Variants in TRIM37 observed in about 807,000 individuals in gnomAD.
The protein encoded by TRIM37 is E3 ubiquitin-protein ligase TRIM37.
In TRIM37, 80 loss-of-function variants were observed where a neutral mutation model predicts 129.8. That is an observed-to-expected ratio of 0.62 (90% CI 0.51 to 0.74). The LOEUF (loss-of-function observed/expected upper bound fraction) is 0.74. Ranked by LOEUF, TRIM37 falls within the 30% of genes least tolerant of loss-of-function variation. The pLI is 0.00. For missense variants in TRIM37, 1,054 were observed against 1,176.5 expected (o/e 0.90, Z 1.52); for synonymous variants, 389 against 387.1 (o/e 1.00, Z -0.06).
At position 59,001,659 on chromosome 17, in the gene TRIM37, C is replaced by T; in HGVS notation, c.2751G>A (p.Glu917=). The T allele has an allele frequency of 1.2e-6, 2 of 1,614,142 alleles. No individual in the cohort carries two copies. The highest frequency in any genetic ancestry group is 1.7e-6 in the Non-Finnish European group (2 of 1,180,002). ...ECDTENEEQE[E]HTSVGGFHDS... Reference sequence around the variant, plus strand: ...CGTGAAACCCGCCCACACTGGTATGCTCTTCCTGCTCCTCATTCTCAGTGT... The same window carrying T: ...CGTGAAACCCGCCCACACTGGTATGTTCTTCCTGCTCCTCATTCTCAGTGT... Residue 917 remains glutamate (E), a synonymous_variant, in exon 23 of 24, where the codon GAG becomes GAA. Transcript: ENST00000262294.
intron 13 of TRIM37, among the ~76,000 whole-genome samples, chr17:59,053,149 C>A (rs772262984): frequency 1.3e-5 from 2 of 152,106 alleles, no homozygotes; most frequent in South Asian, 4.1e-4. Context: ...ATGATTTAAA[C>A]CACTGGTTAA....
rs60395023 is a variant in TRIM37 at position 59,007,231 on chromosome 17, C to CCACCCACACACA, written c.2695+5096_2695+5097insTGTGTGTGGGTG. Among the ~76,000 whole-genome samples, 24 of 97,544 alleles carry CCACCCACACACA rather than the reference C, an allele frequency of 2.5e-4. 2 individuals carry two copies. The highest frequency in any genetic ancestry group is 1.3e-3 in the South Asian group (3 of 2,374). The allele number at this position is 97,544 out of a possible 152,430, so 64.0% of individuals were successfully genotyped here. On this transcript the variant is annotated intron_variant, in intron 22 of 23. Transcript: ENST00000262294. ...CTAAAACCACCCCACCCCCACCCAC[C>CCACCCACACACA]CACACACACACACACGTTCCTGATG...
At chr17:58,989,689 G>GA (rs1273030279) in intron 24 of TRIM37, among the ~76,000 whole-genome samples, 1 of 151,836 alleles carries the variant, frequency 6.6e-6, no homozygotes, top group Admixed American at 6.6e-5. Context: ...AAACACAACA[G>GA]AAAAAAATGA....
At chr17:59,007,097 A>T (rs1416136540) in intron 22 of TRIM37, among the ~76,000 whole-genome samples, 2 of 151,404 alleles carry the variant, frequency 1.3e-5, no homozygotes, top group East Asian at 3.9e-4. Flanking sequence ...CCCTGAGAAG[A>T]GCTAAGCCTC....
At chr17:59,014,455 T>C (rs2035658260) in intron 21 of TRIM37, among the ~76,000 whole-genome samples, 1 of 152,070 alleles carries the variant, frequency 6.6e-6, no homozygotes, top group Admixed American at 6.6e-5. Flanking sequence ...TAGATGGAAG[T>C]TTAATTGCCA....
At chr17:59,081,336 T>C in intron 5 of TRIM37, 117 bp from the exon 6 acceptor site, 4 of 1,415,722 alleles carry the variant, frequency 2.8e-6, no homozygotes, top group Non-Finnish European at 3.9e-6. Flanking sequence ...AACTTTACCT[T>C]ATTAGCTAAT....
chr17:59,035,450 G>T (rs2038355542), intron 17 of TRIM37, among the ~76,000 whole-genome samples: 1 of 151,690 alleles, frequency 6.6e-6, no homozygotes, highest in Non-Finnish European at 1.5e-5. Context: ...CTAGCTTTTG[G>T]CTATTAAGAA....
At position 59,062,719 on chromosome 17, in the gene TRIM37, G is replaced by A. The variant is rs1057444511; in HGVS notation, c.861-71C>T. On this transcript the variant is annotated intron_variant, in intron 10 of 23. Transcript: ENST00000262294. ...TGAAATGGCAACAGGCAAAAAGAAA[G>A]ACCAACCAGTTTCTTTGTTACATAC... 3 of 1,247,442 alleles carry A rather than the reference G, an allele frequency of 2.4e-6. No individual in the cohort carries two copies. In the East Asian group the frequency reaches 7.0e-5, roughly 29 times the overall value. The allele number at this position is 1,247,442 out of a possible 1,614,324, so 77.3% of individuals were successfully genotyped here.
chr17:59,050,086 C>T (rs570297184), intron 14 of TRIM37, among the ~76,000 whole-genome samples: 11 of 152,186 alleles, frequency 7.2e-5, no homozygotes, highest in Non-Finnish European at 1.5e-4. Context: ...GGAAATGAAA[C>T]ATTCCTTAGT....
intron 12 of TRIM37, 120 bp from the exon 13 acceptor site, chr17:59,057,174 G>A: frequency 3.7e-6 from 3 of 806,482 alleles, no homozygotes; most frequent in Non-Finnish European, 4.0e-6. Flanking sequence ...GATATACGCA[G>A]TTACATTTCT....
chr17:59,046,945 G>A (rs1479165009), intron 16 of TRIM37, among the ~76,000 whole-genome samples: 1 of 149,724 alleles, frequency 6.7e-6, no homozygotes, highest in Non-Finnish European at 1.5e-5. Context: ...ATGAGGTCAG[G>A]AGATCAAGAC....
intron 2 of TRIM37, among the ~76,000 whole-genome samples, chr17:59,095,932 C>T (rs930490337): frequency 6.6e-6 from 1 of 152,076 alleles, no homozygotes; most frequent in Middle Eastern, 3.2e-3. Context: ...GTTGCTCAGC[C>T]TGGTCTTGAA....
Position 58,998,466 on chromosome 17 carries a change from T to C in TRIM37, c.*911A>G. On this transcript the variant is annotated 3_prime_UTR_variant, in exon 24 of 24. Coordinates refer to ENST00000262294, the MANE Select transcript of TRIM37 (RefSeq NM_015294.6). ...GAGCACAATGGCAAAGTTTGGCAAC[T>C]GTTTTGGGCTAATTATGAGTATGAA... 1.0e-6 allele frequency: 1 copy of C among 985,468 alleles called. No individual in the cohort carries two copies. The highest frequency in any genetic ancestry group is 1.2e-6 in the Non-Finnish European group (1 of 829,942). The allele number at this position is 985,468 out of a possible 1,614,324, so 61.0% of individuals were successfully genotyped here. A position where few individuals can be genotyped will look rare whatever the true frequency, so the allele number is the denominator to read the frequency against.
intron 12 of TRIM37, among the ~76,000 whole-genome samples, chr17:59,058,662 A>C (rs182767463): frequency 0.014 from 2,125 of 152,242 alleles, 23 homozygotes; most frequent in Non-Finnish European, 0.022. Flanking sequence ...GTCTGAGACC[A>C]GCCTGGGCAA....
intron 15 of TRIM37, among the ~76,000 whole-genome samples, chr17:59,048,431 C>T (rs776617796): frequency 3.3e-5 from 5 of 152,140 alleles, no homozygotes; most frequent in Non-Finnish European, 7.4e-5. Flanking sequence ...GTCTATGCAT[C>T]CCTTCTTATG....
At chr17:58,995,076 TCTCA>T (rs1448260215), downstream of TRIM37, among the ~76,000 whole-genome samples, 1 of 151,990 alleles carries the variant, frequency 6.6e-6, no homozygotes, top group Non-Finnish European at 1.5e-5. Context: ...TGAGACAGTG[TCTCA>T]CTCTGTCACG....
chr17:59,078,611 G>A (rs531644527), intron 7 of TRIM37, among the ~76,000 whole-genome samples: 9 of 152,182 alleles, frequency 5.9e-5, no homozygotes, highest in Non-Finnish European at 8.8e-5. Flanking sequence ...ATGGCTTAAT[G>A]AACTTAAAGA....
rs571040674 is a variant in TRIM37 at position 59,076,326 on chromosome 17, A to G, written c.617-612T>C. The stretch of plus-strand genomic sequence containing the variant: ...GAGGCCAAAGCAAGAGGATAACTTG[A>G]GCCTAGGTATTTGAGACCAGCCTAG... On this transcript the variant is annotated intron_variant, in intron 7 of 23. Coordinates refer to ENST00000262294, the MANE Select transcript of TRIM37 (RefSeq NM_015294.6). 2.6e-5 allele frequency among the ~76,000 whole-genome samples: 4 copies of G among 152,342 alleles called. No homozygotes were observed. In the East Asian group the frequency reaches 7.7e-4, roughly 29 times the overall value.
the TRIM37 span, among the ~76,000 whole-genome samples, chr17:58,968,575 A>T: frequency 6.6e-6 from 1 of 152,116 alleles, no homozygotes; most frequent in African/African-American, 2.4e-5. Context: ...ACAGGCCTGG[A>T]CTCCTCTAAG....
Sources: gnomAD v4.1 joint callset for allele counts (sites outside exome capture counted in the v4.1 genomes callset) on GRCh38, gnomAD v4.1.1 for gene constraint, MANE v1.5 for transcripts, NCBI Gene and HGNC (gene_info 2026-07-23, HGNC 2026-07-21) for gene names.